The following CCNH variants were observed in gnomAD, a reference collection of about 807,000 sequenced individuals.
CCNH encodes the protein cyclin H.
Under a neutral mutation model 41.9 loss-of-function variants are expected in CCNH, and 31 were observed. The observed-to-expected ratio is 0.74, with a 90% CI of 0.56 to 1.00. CCNH has a LOEUF of 1.00. CCNH is among the 50% of genes least tolerant of loss of function. The pLI is 0.00. For synonymous variants in CCNH, 138 were observed against 136.1 expected, an observed-to-expected ratio of 1.01 and a Z score of -0.10; for missense variants, 362 against 388.4, an observed-to-expected ratio of 0.93 and a Z score of 0.57.
At chr5:87,400,528 G>T (rs967717085) in intron 6 of CCNH, among the ~76,000 whole-genome samples, 1 of 152,070 alleles carries the variant, frequency 6.6e-6, no homozygotes, top group Non-Finnish European at 1.5e-5. Flanking sequence ...CCCCCTAGTG[G>T]TATAACTAAA....
downstream of CCNH, among the ~76,000 whole-genome samples, chr5:87,388,683 A>G (rs1762239015): frequency 6.6e-6 from 1 of 152,250 alleles, no homozygotes; most frequent in African/African-American, 2.4e-5. Flanking sequence ...CACATTAGCA[A>G]GTATTCTGAG....
chr5:87,354,119 T>TA (rs1191098258), intron 9 of CCNH, among the ~76,000 whole-genome samples: 3 of 151,882 alleles, frequency 2.0e-5, no homozygotes, highest in Non-Finnish European at 1.5e-5. Context: ...AGCTACTACT[T>TA]ATTGCAGTTA....
intron 5 of CCNH, among the ~76,000 whole-genome samples, chr5:87,404,635 G>A (rs903556779): frequency 3.9e-5 from 6 of 152,072 alleles, no homozygotes; most frequent in Non-Finnish European, 8.8e-5. Flanking sequence ...GGATCACCTG[G>A]TTTACTTCTA....
chr5:87,378,956 CAAAA>C (rs1232733532), upstream of CCNH, among the ~76,000 whole-genome samples: 1 of 151,768 alleles, frequency 6.6e-6, no homozygotes, highest in East Asian at 1.9e-4. Context: ...TCAACTAAAA[CAAAA>C]AAATCTTTTT....
chr5:87,361,216 G>T (rs568347963), intron 9 of CCNH, among the ~76,000 whole-genome samples: 2 of 152,194 alleles, frequency 1.3e-5, no homozygotes, highest in South Asian at 2.1e-4. Context: ...CTGTGTTCCA[G>T]TAAAACTTTA....
At chr5:87,399,620 G>A in intron 6 of CCNH, 115 bp from the exon 7 acceptor site, 1 of 692,276 alleles carries the variant, frequency 1.4e-6, no homozygotes, top group Non-Finnish European at 2.6e-6. Context: ...AAATGACATG[G>A]TTATTCTCAG....
At chr5:87,366,214 G>A (rs1481205437) in intron 9 of CCNH, 1 of 188,092 alleles carries the variant, frequency 5.3e-6, no homozygotes, top group Admixed American at 5.2e-5. Flanking sequence ...TTGGAAAAAT[G>A]AGGTTAAAAA....
chr5:87,318,300 A>C (rs914346236), downstream of CCNH: 1 of 152,200 alleles, frequency 6.6e-6, no homozygotes, highest in African/African-American at 2.4e-5. Flanking sequence ...GTATAGGGGA[A>C]CATGTAAAAA....
downstream of CCNH, chr5:87,375,034 G>C: frequency 5.3e-6 from 7 of 1,320,012 alleles, no homozygotes; most frequent in African/African-American, 1.5e-5. Flanking sequence ...AGTATAATTT[G>C]AGATAGTTTC....
chr5:87,390,541 T>C (rs572110011), downstream of CCNH, among the ~76,000 whole-genome samples: 1 of 152,212 alleles, frequency 6.6e-6, no homozygotes, highest in East Asian at 1.9e-4. Context: ...TGTGATAGTG[T>C]GATAGTTCTG....
At chr5:87,374,811 GTTAA>G, downstream of CCNH, 2 of 1,602,242 alleles carry the variant, frequency 1.2e-6, no homozygotes, top group Non-Finnish European at 1.7e-6. Context: ...AAAACATTTT[GTTAA>G]TTCTTTTTCT....
At chr5:87,389,646 GCAT>G (rs1404420859), downstream of CCNH, 1 of 1,316,584 alleles carries the variant, frequency 7.6e-7, no homozygotes, top group African/African-American at 1.5e-5. Flanking sequence ...TTGAGACTCT[GCAT>G]CATATTACAA....
chr5:87,372,007 G>T, downstream of CCNH: 2 of 744,578 alleles, frequency 2.7e-6, no homozygotes, highest in Non-Finnish European at 4.5e-6. Context: ...AATAGAAATG[G>T]CAGTCTAGAG....
chr5:87,383,232 C>T (rs889137260), intron 9 of CCNH, among the ~76,000 whole-genome samples: 2 of 152,148 alleles, frequency 1.3e-5, no homozygotes, highest in African/African-American at 4.8e-5. Flanking sequence ...ATCAATGCAA[C>T]CAACTTAGGC....
At chr5:87,333,647 A>G (rs2112372636) in intron 9 of CCNH, among the ~76,000 whole-genome samples, 1 of 152,318 alleles carries the variant, frequency 6.6e-6, no homozygotes, top group Admixed American at 6.5e-5. Context: ...ACCATGTGAC[A>G]TTTATGCCAC....
At chr5:87,336,533 AG>A (rs1301477900) in intron 9 of CCNH, among the ~76,000 whole-genome samples, 4 of 151,992 alleles carry the variant, frequency 2.6e-5, no homozygotes, top group Non-Finnish European at 5.9e-5. Flanking sequence ...AGCCTGTTTT[AG>A]GGGGGATAAC....
chr5:87,372,049 ACCT>A (rs1402692687), downstream of CCNH: 2 of 1,444,882 alleles, frequency 1.4e-6, no homozygotes, highest in African/African-American at 1.4e-5. Context: ...GAAAAAAAAA[ACCT>A]AACTGATGAT....
chr5:87,401,064 T>G (rs1350195456), intron 6 of CCNH, among the ~76,000 whole-genome samples: 1 of 152,200 alleles, frequency 6.6e-6, no homozygotes, highest in East Asian at 1.9e-4. Context: ...ACAACGGAAG[T>G]GTATTCTCTC....
intron 9 of CCNH, among the ~76,000 whole-genome samples, chr5:87,335,259 T>C (rs999467269): frequency 2.0e-5 from 3 of 152,176 alleles, no homozygotes; most frequent in Admixed American, 2.0e-4. Flanking sequence ...AGTGAGTCTA[T>C]TATTTCAAGG....
Sources: gnomAD v4.1 joint callset for allele counts (sites outside exome capture counted in the v4.1 genomes callset) on GRCh38, gnomAD v4.1.1 for gene constraint, MANE v1.5 for transcripts, NCBI Gene and HGNC (gene_info 2026-07-23, HGNC 2026-07-21) for gene names.